DACH2: variants seen among roughly 807,000 people sequenced by gnomAD.
DACH2 encodes the protein dachshund homolog 2.
A neutral mutation model predicts 35.8 loss-of-function variants in DACH2; 17 were observed. The observed-to-expected ratio is 0.48, with a 90% confidence interval of 0.33 to 0.71. The LOEUF is 0.71. Ranked by LOEUF, DACH2 falls within the 30% of genes least tolerant of loss-of-function variation. The pLI, the probability that DACH2 is intolerant of heterozygous loss-of-function variation, is 0.02. For synonymous variants in DACH2, 195 were observed against 177.3 expected, an observed-to-expected ratio of 1.10 and a Z score of -0.79; for missense variants, 469 against 472.7, an observed-to-expected ratio of 0.99 and a Z score of 0.07.
At chrX:86,220,845 G>A (rs182326332) in intron 1 of DACH2, among the ~76,000 whole-genome samples, 335 of 111,878 alleles carry the variant, frequency 3.0e-3, no homozygotes, top group Non-Finnish European at 4.8e-3. Context: ...TAGTGTATAA[G>A]GATTACAATT....
At chrX:86,275,821 C>A (rs968209789) in intron 1 of DACH2, among the ~76,000 whole-genome samples, 33 of 111,884 alleles carry the variant, frequency 2.9e-4, no homozygotes, top group African/African-American at 9.7e-4. Context: ...CTTTCTGTGC[C>A]TGGCTTATTT....
intron 1 of DACH2, among the ~76,000 whole-genome samples, chrX:86,302,415 T>C (rs1443962556): frequency 2.7e-5 from 3 of 112,011 alleles, no homozygotes; most frequent in Admixed American, 9.6e-5. Flanking sequence ...GAATTAATTG[T>C]ATACCTTTTC....
intron 1 of DACH2, among the ~76,000 whole-genome samples, chrX:86,343,940 G>A (rs958350272): frequency 1.8e-5 from 2 of 110,154 alleles, no homozygotes; most frequent in Non-Finnish European, 3.8e-5. Flanking sequence ...GGAGGAAGTG[G>A]GGATGGTTAA....
chrX:86,562,366 A>G (rs1425809528), intron 3 of DACH2, among the ~76,000 whole-genome samples: 1 of 111,439 alleles, frequency 9.0e-6, no homozygotes, highest in East Asian at 2.8e-4. Context: ...ATTTCACTTC[A>G]TTTGAAAGAA....
chrX:86,700,263 G>A (rs938783408), intron 5 of DACH2, among the ~76,000 whole-genome samples: 1 of 111,115 alleles, frequency 9.0e-6, no homozygotes, highest in African/African-American at 3.3e-5. Context: ...CTGTAAATGT[G>A]TATTAGGCCC....
chrX:86,180,536 C>G (rs942199555), intron 1 of DACH2, among the ~76,000 whole-genome samples: 3 of 110,292 alleles, frequency 2.7e-5, no homozygotes, highest in African/African-American at 6.6e-5. Context: ...TAAATTTTCT[C>G]AAGTTCTTGA....
chrX:86,373,053 AT>A (rs998364718), intron 1 of DACH2, among the ~76,000 whole-genome samples: 3 of 110,615 alleles, frequency 2.7e-5, no homozygotes, highest in African/African-American at 9.9e-5. Context: ...CATATACCAC[AT>A]TTTCTTTATT....
intron 1 of DACH2, among the ~76,000 whole-genome samples, chrX:86,293,951 C>G (rs920832756): frequency 4.5e-5 from 5 of 111,122 alleles, no homozygotes; most frequent in African/African-American, 1.6e-4. Context: ...TCTGTATTTC[C>G]TGAATCTGAA....
chrX:86,466,153 G>A lies in DACH2; in HGVS notation c.528-48126G>A, dbSNP rs533846640. Among the ~76,000 whole-genome samples, 23 of 111,583 alleles carry A rather than the reference G, an allele frequency of 2.1e-4. No homozygotes were observed. In the South Asian group the frequency reaches 2.7e-3, roughly 13 times the overall value. On this transcript the variant is annotated intron_variant, in intron 2 of 11. Coordinates refer to ENST00000373125, the MANE Select transcript of DACH2 (RefSeq NM_053281.3). ...GGTAAAAGGTACTTCTTACATGGTG[G>A]CAGCAAGAGAAAATGAGAGAGATGC...
At chrX:86,543,394 G>T (rs1008995183) in intron 3 of DACH2, among the ~76,000 whole-genome samples, 1 of 111,659 alleles carries the variant, frequency 9.0e-6, no homozygotes, top group African/African-American at 3.3e-5. Context: ...AACAGCACAA[G>T]AACTGTCACA....
chrX:86,620,843 T>C lies in DACH2; in HGVS notation c.641-30193T>C, dbSNP rs149900943. Among the ~76,000 whole-genome samples, 902 of 109,878 alleles carry C rather than the reference T, an allele frequency of 8.2e-3. 3 individuals are homozygous for C. The highest frequency in any genetic ancestry group is 0.012 in the Non-Finnish European group (644 of 52,614). On this transcript the variant is annotated intron_variant, in intron 3 of 11. Coordinates refer to ENST00000373125, the MANE Select transcript of DACH2 (RefSeq NM_053281.3). The stretch of plus-strand genomic sequence containing the variant: ...AGAGGATATATTAATCTACCCCGTG[T>C]TTTTCAAAGACAAGTAGATTCGAGA...
chrX:86,771,752 G>T (rs2041990037), intron 7 of DACH2, among the ~76,000 whole-genome samples: 1 of 111,616 alleles, frequency 9.0e-6, no homozygotes, highest in Non-Finnish European at 1.9e-5. Context: ...TACCCTGCTA[G>T]AATACAAGTA....
chrX:86,796,560 G>A (rs1030408553), intron 7 of DACH2, among the ~76,000 whole-genome samples: 1 of 112,074 alleles, frequency 8.9e-6, no homozygotes, highest in Non-Finnish European at 1.9e-5. Context: ...GAAATTTTGG[G>A]TGTTTTGTTT....
chrX:86,420,359 G>A (rs1053757689), intron 2 of DACH2, among the ~76,000 whole-genome samples: 3 of 111,989 alleles, frequency 2.7e-5, no homozygotes, highest in Non-Finnish European at 3.8e-5. Flanking sequence ...GCATAAATGA[G>A]GAGGCAGACT....
At chrX:86,452,430 T>C (rs150271437) in intron 2 of DACH2, among the ~76,000 whole-genome samples, 1,259 of 111,542 alleles carry the variant, frequency 0.011, 18 homozygotes, top group African/African-American at 0.039. Flanking sequence ...TCTGGTAGTA[T>C]TTGGCTGTGA....
intron 7 of DACH2, among the ~76,000 whole-genome samples, chrX:86,800,794 C>T (rs1913378148): frequency 2.7e-5 from 3 of 110,939 alleles, no homozygotes; most frequent in South Asian, 7.6e-4. Context: ...CTCAGCCTCC[C>T]GAGTAGCTGG....
rs1358030611 is a variant in DACH2 at position 86,709,244 on chromosome X, A to G, written c.932-5304A>G. Among the ~76,000 whole-genome samples, 12 of 111,923 alleles carry G rather than the reference A, an allele frequency of 1.1e-4. No homozygotes were observed. The Admixed American group carries it at 1.1e-3, about 11-fold the overall frequency. On this transcript the variant is annotated intron_variant, in intron 5 of 11. Coordinates refer to ENST00000373125, the MANE Select transcript of DACH2 (RefSeq NM_053281.3). ...ATAGAACAGAATAGAGAGCCTAGAA[A>G]TAGATCCACACAAATGTAGTCAATT...
chrX:86,179,166 AATTG>A (rs1186561916), intron 1 of DACH2, among the ~76,000 whole-genome samples: 1 of 111,870 alleles, frequency 8.9e-6, no homozygotes, highest in Non-Finnish European at 1.9e-5. Flanking sequence ...TGTAGAATAA[AATTG>A]ATTGTCTTCT....
chrX:86,479,115 A>G (rs1291838544), intron 2 of DACH2, among the ~76,000 whole-genome samples: 1 of 110,625 alleles, frequency 9.0e-6, no homozygotes, highest in Non-Finnish European at 1.9e-5. Flanking sequence ...CTCTGACTGA[A>G]TTCCCCTCAG....
Sources: allele counts gnomAD v4.1 joint callset (sites outside exome capture counted in the v4.1 genomes callset), GRCh38; gene constraint gnomAD v4.1.1; transcripts MANE v1.5; gene names NCBI Gene and HGNC (gene_info 2026-07-23, HGNC 2026-07-21).